The following NCOR1 variants were observed in gnomAD, a reference collection of about 807,000 sequenced individuals.
NCOR1 encodes nuclear receptor corepressor 1.
In NCOR1, 63 loss-of-function variants were observed where a neutral mutation model predicts 288.1. The observed-to-expected ratio is 0.22, with a 90% CI of 0.18 to 0.27. The LOEUF is 0.27. Among genes scored for constraint, NCOR1 ranks in the 10% least tolerant of loss-of-function variants. The pLI, the probability that NCOR1 is intolerant of heterozygous loss-of-function variation, is 1.00. For synonymous variants in NCOR1, 1,007 were observed against 1,065.9 expected (o/e 0.94, Z 1.08); for missense variants, 2,397 against 3,019.2 (o/e 0.79, Z 4.83).
At chr17:16,036,595 A>C (rs1419814469) in intron 44 of NCOR1, among the ~76,000 whole-genome samples, 1 of 152,246 alleles carries the variant, frequency 6.6e-6, no homozygotes, top group Non-Finnish European at 1.5e-5. Flanking sequence ...AACTTGCTGC[A>C]ACATCTTCAT....
At chr17:16,083,048 T>G (rs1036516680) in intron 23 of NCOR1, among the ~76,000 whole-genome samples, 1 of 152,022 alleles carries the variant, frequency 6.6e-6, no homozygotes, top group Non-Finnish European at 1.5e-5. Context: ...CTGGCCAACA[T>G]GGTGAAACCC....
chr17:16,087,993 T>C (rs2064513850), intron 22 of NCOR1, among the ~76,000 whole-genome samples: 1 of 152,116 alleles, frequency 6.6e-6, no homozygotes, highest in African/African-American at 2.4e-5. Flanking sequence ...CTTTTTAAAA[T>C]GAAACATCTG....
At chr17:16,179,186 C>T (rs1018402928) in intron 3 of NCOR1, among the ~76,000 whole-genome samples, 1 of 151,328 alleles carries the variant, frequency 6.6e-6, no homozygotes, top group Non-Finnish European at 1.5e-5. Context: ...AAATCAGGTA[C>T]CTTATAAAAT....
At chr17:16,145,712 G>C (rs370693550) in intron 10 of NCOR1, among the ~76,000 whole-genome samples, 1,687 of 152,096 alleles carry the variant, frequency 0.011, 36 homozygotes, top group African/African-American at 0.038. Flanking sequence ...CAGTCCGGGA[G>C]GTGGGGGGCA....
chr17:16,058,677 A>G (rs1039439968), intron 37 of NCOR1, 78 bp from the exon 38 acceptor site: 14 of 1,390,384 alleles, frequency 1.0e-5, no homozygotes, highest in East Asian at 2.3e-5. Context: ...CACCTGTAGC[A>G]TTTTTTCAAT....
chr17:16,185,335 A>G (rs539715140), intron 3 of NCOR1, among the ~76,000 whole-genome samples: 79 of 152,190 alleles, frequency 5.2e-4, no homozygotes, highest in Non-Finnish European at 6.3e-4. Flanking sequence ...CCTTTTTATT[A>G]TCTATACGTA....
chr17:16,193,127 G>T (rs1379564974), intron 2 of NCOR1, among the ~76,000 whole-genome samples: 5 of 152,124 alleles, frequency 3.3e-5, no homozygotes, highest in African/African-American at 1.2e-4. Context: ...TTTCATGATG[G>T]TTGTATGAGT....
intron 2 of NCOR1, among the ~76,000 whole-genome samples, 167 bp downstream of exon 2, chr17:16,194,293 CAG>C (rs2089285241): frequency 7.8e-6 from 1 of 127,806 alleles, no homozygotes; most frequent in Non-Finnish European, 1.7e-5. Context: ...CACAGTAAGA[CAG>C]AAATAATTAA....
chr17:16,073,479 A>G lies in NCOR1; in HGVS notation c.3761T>C (p.Ile1254Thr), dbSNP rs369440540. Residue 1254 changes from isoleucine to threonine, a missense_variant, in exon 28 of 46, where the codon ATA (isoleucine) becomes ACA (threonine). Transcript: ENST00000268712. The part of the protein sequence containing the change: ...KRSYESVEGN[I>T]KQGMSMRESP... ...CTCCCTCATTGACATCCCTTGCTTT[A>G]TATTTCCTTCCACTGATTCATAGCT... The G allele has an allele frequency of 9.3e-6, 15 of 1,611,950 alleles. No homozygotes were observed. The South Asian group carries it at 1.1e-4, about 12-fold the overall frequency.
rs573087539 is a variant in NCOR1, at chr17:16,097,161, C to T, written c.2820+1206G>A. ...GAGCAGTAAGAGTGTCTTTTGTATG[C>T]TAACAAGATGACTCCTGGCTGGGGC... On this transcript the variant is annotated intron_variant, in intron 21 of 45. Coordinates refer to ENST00000268712, the MANE Select transcript of NCOR1 (RefSeq NM_006311.4). Among the ~76,000 whole-genome samples the T allele has an allele frequency of 2.6e-5, 4 of 152,304 alleles. No individual in the cohort carries two copies. The South Asian group carries it at 6.2e-4, about 24-fold the overall frequency.
chr17:16,150,067 A>T (rs2153371090), intron 8 of NCOR1, among the ~76,000 whole-genome samples: 1 of 152,236 alleles, frequency 6.6e-6, no homozygotes, highest in East Asian at 1.9e-4. Flanking sequence ...TTTCTAATAT[A>T]TCTTAATCGC....
intron 37 of NCOR1, among the ~76,000 whole-genome samples, chr17:16,061,056 T>C (rs1018171789): frequency 6.6e-6 from 1 of 152,194 alleles, no homozygotes; most frequent in African/African-American, 2.4e-5. Context: ...TATAGAACCA[T>C]GTCCTAGCAA....
intron 22 of NCOR1, chr17:16,087,029 T>C (rs573688871): frequency 1.7e-5 from 9 of 525,658 alleles, no homozygotes; most frequent in Non-Finnish European, 2.4e-5. Context: ...ATACAACTGA[T>C]GATGGAACGC....
chr17:16,149,292 CATATATAT>C (rs34511605), intron 9 of NCOR1, among the ~76,000 whole-genome samples, 151 bp downstream of exon 9: 11 of 137,962 alleles, frequency 8.0e-5, no homozygotes, highest in African/African-American at 3.0e-4. Context: ...AGATTTAAGT[CATATATAT>C]ATATATATAT....
chr17:16,095,221 C>T (rs1485345465), intron 21 of NCOR1, among the ~76,000 whole-genome samples: 5 of 151,658 alleles, frequency 3.3e-5, no homozygotes, highest in East Asian at 2.0e-4. Context: ...CCCGCCGCCC[C>T]GTCTGGGATG....
intron 3 of NCOR1, among the ~76,000 whole-genome samples, chr17:16,185,653 A>G (rs2086494146): frequency 7.6e-6 from 1 of 130,982 alleles, no homozygotes; most frequent in Non-Finnish European, 1.6e-5. Flanking sequence ...ACTGCACTCC[A>G]GCCTGGGTGA....
At chr17:16,208,188 G>A (rs1319172577) in intron 1 of NCOR1, among the ~76,000 whole-genome samples, 6 of 141,832 alleles carry the variant, frequency 4.2e-5, no homozygotes, top group African/African-American at 5.3e-5. Flanking sequence ...CTACAGGCGC[G>A]TGCCACCATG....
chr17:16,095,590 G>A (rs1266701569), intron 21 of NCOR1, among the ~76,000 whole-genome samples: 2 of 73,248 alleles, frequency 2.7e-5, no homozygotes, highest in Non-Finnish European at 2.9e-5. Flanking sequence ...GGTGAGGGTC[G>A]CCTCTGCCCG....
intron 42 of NCOR1, among the ~76,000 whole-genome samples, chr17:16,043,891 C>T (rs889529103): frequency 3.9e-5 from 6 of 152,026 alleles, no homozygotes; most frequent in Non-Finnish European, 7.4e-5. Flanking sequence ...AAAAGGTGGC[C>T]GGATACAGTG....
Sources: allele counts gnomAD v4.1 joint callset (sites outside exome capture counted in the v4.1 genomes callset), GRCh38; gene constraint gnomAD v4.1.1; transcripts MANE v1.5; gene names NCBI Gene and HGNC (gene_info 2026-07-23, HGNC 2026-07-21).